The following GPD2 variants were observed in gnomAD, a reference collection of about 807,000 sequenced individuals.
GPD2 encodes glycerol-3-phosphate dehydrogenase 2, also known as glycerol-3-phosphate dehydrogenase, mitochondrial.
In GPD2, 54 loss-of-function variants were observed where a neutral mutation model predicts 82.4. The ratio of observed to expected loss-of-function variants is 0.66; its 90% CI spans 0.53 to 0.82. GPD2 has a LOEUF of 0.82. Among genes scored for constraint, GPD2 ranks in the 40% least tolerant of loss-of-function variants. The pLI, the probability that GPD2 is intolerant of heterozygous loss-of-function variation, is 0.00. For missense variants in GPD2, 748 were observed against 896.2 expected (o/e 0.83, Z 2.11); for synonymous variants, 288 against 306.1 (o/e 0.94, Z 0.62).
In GPD2 at chr2:156,476,115, CA is replaced by C; in HGVS notation, c.14del (p.Lys5ArgfsTer3). On this transcript the variant is annotated frameshift_variant, in exon 2 of 17. Coordinates refer to ENST00000438166, the MANE Select transcript of GPD2 (RefSeq NM_000408.5). LOFTEE classifies it high-confidence loss of function. ...CTTTGTAGGCTAAGAAATGGCATTT[CA>C]AAAGGCAGTGAAAGGGACGATTCTT... Reference protein sequence around the residue: MAFQKAVKGTILVG... With the variant: MAFXKAVKGTILVG... 2 of 1,595,686 alleles carry C rather than the reference CA, an allele frequency of 1.3e-6. No individual in the cohort carries two copies. Among genetic ancestry groups the C allele is most frequent in the Non-Finnish European group, 1.7e-6 (2 of 1,163,490 alleles).
At chr2:156,467,270 G>A (rs751248692) in intron 1 of GPD2, among the ~76,000 whole-genome samples, 6 of 152,216 alleles carry the variant, frequency 3.9e-5, no homozygotes, top group Non-Finnish European at 7.3e-5. Flanking sequence ...TTGATAGGGT[G>A]TGGAAGTCAG....
At position 156,579,397 on chromosome 2, in the gene GPD2, C is replaced by T. The variant is rs190315752; in HGVS notation, c.1959+233C>T. ...GATGGTGTGCAGTGTTGCACGATCT[C>T]GGCTCACTGTAACCTCCTCCTCCTG... On this transcript the variant is annotated intron_variant, in intron 15 of 16. Transcript: ENST00000438166. Among the ~76,000 whole-genome samples the T allele has an allele frequency of 2.7e-3, 407 of 148,614 alleles. 3 individuals are homozygous for T. Among genetic ancestry groups the T allele is most frequent in the Middle Eastern group, 0.01 (3 of 292 alleles).
chr2:156,533,104 C>A (rs1685928587), intron 6 of GPD2, among the ~76,000 whole-genome samples: 1 of 152,204 alleles, frequency 6.6e-6, no homozygotes, highest in East Asian at 1.9e-4. Context: ...GCAGCAGTCA[C>A]TGAGTGCAGA....
chr2:156,530,684 A>C (rs1283792306), intron 6 of GPD2, among the ~76,000 whole-genome samples: 1 of 152,058 alleles, frequency 6.6e-6, no homozygotes, highest in Non-Finnish European at 1.5e-5. Context: ...ATCTATTGAG[A>C]TAATCATGTG....
chr2:156,408,524 G>C, the GPD2 span, among the ~76,000 whole-genome samples: 27 of 151,786 alleles, frequency 1.8e-4, no homozygotes, highest in Non-Finnish European at 2.8e-4. Context: ...CCAGGAGTTT[G>C]AGACCAGTCT....
At position 156,550,593 on chromosome 2, in the gene GPD2, C is replaced by G. The variant is rs754059284; in HGVS notation, c.827-9C>G. On this transcript the variant is annotated splice_polypyrimidine_tract_variant and intron_variant, in intron 7 of 16. Transcript: ENST00000438166. ...TGAGGTGTGTGATTGATGCCACTTT[C>G]TTTCACAGGGCAGGAATTTGACGTG... is the stretch of plus-strand genomic sequence containing the variant. The G allele has an allele frequency of 8.7e-6, 14 of 1,613,838 alleles. No homozygotes were observed. In the South Asian group the frequency reaches 1.4e-4, roughly 16 times the overall value.
the GPD2 span, among the ~76,000 whole-genome samples, chr2:156,411,118 A>G: frequency 1.3e-5 from 2 of 152,340 alleles, no homozygotes; most frequent in African/African-American, 2.4e-5. Context: ...ACCATAAACT[A>G]GAACACTTCT....
At chr2:156,424,202 G>GAA in the GPD2 span, among the ~76,000 whole-genome samples, 395 of 147,402 alleles carry the variant, frequency 2.7e-3, no homozygotes, top group East Asian at 2.9e-3. Flanking sequence ...ATTAAATAAG[G>GAA]AAAAAAAAAA....
intron 5 of GPD2, 141 bp from the exon 6 acceptor site, chr2:156,513,192 G>T (rs1043102742): frequency 1.2e-5 from 9 of 728,280 alleles, no homozygotes; most frequent in Non-Finnish European, 2.0e-5. Flanking sequence ...GTCAAAAACA[G>T]TTGCATAAGT....
At chr2:156,406,604 T>A in the GPD2 span, among the ~76,000 whole-genome samples, 2 of 152,196 alleles carry the variant, frequency 1.3e-5, no homozygotes, top group African/African-American at 2.4e-5. Flanking sequence ...CTTTCTTCCT[T>A]CCTTAATTTT....
chr2:156,450,603 G>A (rs918644078), intron 1 of GPD2, among the ~76,000 whole-genome samples: 1 of 151,942 alleles, frequency 6.6e-6, no homozygotes, highest in Non-Finnish European at 1.5e-5. Context: ...AGTTTAAGAA[G>A]AGGCTGGGAC....
the GPD2 span, among the ~76,000 whole-genome samples, chr2:156,421,449 A>T: frequency 3.9e-5 from 6 of 152,182 alleles, no homozygotes; most frequent in East Asian, 1.2e-3. Context: ...GAAGAGTAGG[A>T]TAAAAGGTAA....
chr2:156,460,440 C>T (rs1381803476), intron 1 of GPD2, among the ~76,000 whole-genome samples: 2 of 152,184 alleles, frequency 1.3e-5, no homozygotes, highest in African/African-American at 4.8e-5. Context: ...GATTCAAACC[C>T]ATAAATATAA....
At chr2:156,463,632 C>T (rs983774883) in intron 1 of GPD2, among the ~76,000 whole-genome samples, 8 of 152,160 alleles carry the variant, frequency 5.3e-5, no homozygotes, top group African/African-American at 1.4e-4. Flanking sequence ...TGCCTGAAAT[C>T]GCAGAGCAAG....
At chr2:156,493,657 T>G (rs1684262451) in intron 2 of GPD2, among the ~76,000 whole-genome samples, 1 of 152,252 alleles carries the variant, frequency 6.6e-6, no homozygotes, top group South Asian at 2.1e-4. Flanking sequence ...TCTAATGAAC[T>G]ATATCATAAT....
intron 2 of GPD2, among the ~76,000 whole-genome samples, chr2:156,476,974 T>G (rs1683536393): frequency 6.6e-6 from 1 of 152,204 alleles, no homozygotes; most frequent in Non-Finnish European, 1.5e-5. Flanking sequence ...TGAAGGAATT[T>G]GGCAAACAAT....
At chr2:156,447,415 G>T (rs1168053262) in intron 1 of GPD2, among the ~76,000 whole-genome samples, 1 of 151,866 alleles carries the variant, frequency 6.6e-6, no homozygotes, top group African/African-American at 2.4e-5. Flanking sequence ...GTTCATGGCA[G>T]CCTTGAACTC....
At chr2:156,406,734 G>T in the GPD2 span, among the ~76,000 whole-genome samples, 2 of 152,166 alleles carry the variant, frequency 1.3e-5, no homozygotes, top group African/African-American at 4.8e-5. Context: ...TCATCTCTGG[G>T]TGAAGCATTT....
At chr2:156,492,082 G>A (rs297586) in intron 2 of GPD2, among the ~76,000 whole-genome samples, 130,236 of 144,854 alleles carry the variant, frequency 0.9, 59,985 homozygotes, top group South Asian at 1. Flanking sequence ...TTGCATTTCT[G>A]TAAGCAGTGT....
Sources: allele counts gnomAD v4.1 joint callset (sites outside exome capture counted in the v4.1 genomes callset), GRCh38; gene constraint gnomAD v4.1.1; transcripts MANE v1.5; gene names NCBI Gene and HGNC (gene_info 2026-07-23, HGNC 2026-07-21).